PRKG1: variants seen among roughly 807,000 people sequenced by gnomAD.
PRKG1 encodes the protein cGMP-dependent protein kinase 1.
In PRKG1, 35 loss-of-function variants were observed where a neutral mutation model predicts 88.1. The observed-to-expected ratio is 0.40, with a 90% CI of 0.30 to 0.53. The LOEUF is 0.53. Ranked by LOEUF, PRKG1 falls within the 20% of genes least tolerant of loss-of-function variation. PRKG1 has a pLI of 0.59. For synonymous variants in PRKG1, 303 were observed against 292.5 expected (o/e 1.04, Z -0.37); for missense variants, 540 against 839.8 (o/e 0.64, Z 4.41).
intron 7 of PRKG1, among the ~76,000 whole-genome samples, chr10:52,106,402 T>C (rs994262654): frequency 1.3e-5 from 2 of 152,204 alleles, no homozygotes; most frequent in Admixed American, 6.5e-5. Context: ...TCTGTATTTT[T>C]ACGTACTACC....
At chr10:51,497,907 T>C (rs1282476368) in intron 3 of PRKG1, among the ~76,000 whole-genome samples, 1 of 152,112 alleles carries the variant, frequency 6.6e-6, no homozygotes, top group East Asian at 1.9e-4. Flanking sequence ...TCCATCTGGA[T>C]GTGTTTGTGT....
Position 51,431,941 on chromosome 10 carries a change from A to T in PRKG1, c.479-35782A>T, listed in dbSNP as rs998253602. Among the ~76,000 whole-genome samples, 4 of 152,162 alleles carry T rather than the reference A, an allele frequency of 2.6e-5. No individual in the cohort carries two copies. The East Asian group carries it at 7.7e-4, about 29-fold the overall frequency. ...CATATGGAAAAATATAGCCATTTTT[A>T]TATGTTCTTTTTCACATTTACAGCA... On this transcript the variant is annotated intron_variant, in intron 2 of 17. Transcript: ENST00000373980.
intron 4 of PRKG1, among the ~76,000 whole-genome samples, chr10:51,830,730 T>G (rs913238465): frequency 6.6e-6 from 1 of 151,740 alleles, no homozygotes; most frequent in African/African-American, 2.4e-5. Context: ...CCAGGCTAAT[T>G]TTTGTATTTT....
intron 4 of PRKG1, among the ~76,000 whole-genome samples, chr10:51,868,765 A>G (rs1841082711): frequency 1.3e-5 from 2 of 152,194 alleles, no homozygotes; most frequent in African/African-American, 4.8e-5. Flanking sequence ...ACTTCCTTGA[A>G]GATCCAGAAA....
intron 3 of PRKG1, among the ~76,000 whole-genome samples, chr10:51,679,667 A>C (rs1277710298): frequency 6.8e-6 from 1 of 147,562 alleles, no homozygotes; most frequent in African/African-American, 2.5e-5. Flanking sequence ...TAGTTCTGTG[A>C]TAGTGAGGCA....
At chr10:51,527,447 G>C (rs1464874596) in intron 3 of PRKG1, among the ~76,000 whole-genome samples, 1 of 152,036 alleles carries the variant, frequency 6.6e-6, no homozygotes, top group Non-Finnish European at 1.5e-5. Flanking sequence ...AAAAACAGTG[G>C]AAATGAGCTG....
At chr10:52,035,256 G>A (rs888399757) in intron 5 of PRKG1, among the ~76,000 whole-genome samples, 2 of 152,082 alleles carry the variant, frequency 1.3e-5, no homozygotes, top group Admixed American at 6.5e-5. Flanking sequence ...CTGACTCAGG[G>A]CATGTTGAGT....
intron 1 of PRKG1, among the ~76,000 whole-genome samples, chr10:51,125,914 T>C (rs1845386520): frequency 7.4e-6 from 1 of 134,278 alleles, no homozygotes; most frequent in Non-Finnish European, 1.5e-5. Context: ...GTGTGTAATT[T>C]ATAAATATAT....
intron 2 of PRKG1, among the ~76,000 whole-genome samples, chr10:51,291,091 C>T (rs140954538): frequency 6.6e-6 from 1 of 152,172 alleles, no homozygotes; most frequent in East Asian, 1.9e-4. Flanking sequence ...CTTCATAGAA[C>T]ACAGAAGACA....
At chr10:51,269,770 T>C (rs1461895291) in intron 2 of PRKG1, among the ~76,000 whole-genome samples, 1 of 152,140 alleles carries the variant, frequency 6.6e-6, no homozygotes, top group Non-Finnish European at 1.5e-5. Flanking sequence ...CAGTACACAC[T>C]GCTAGAGTGA....
chr10:52,128,643 T>G, intron 7 of PRKG1: 1 of 940,568 alleles, frequency 1.1e-6, no homozygotes. Flanking sequence ...ATGTTAGAAG[T>G]GGCTTAAAAA....
At chr10:51,809,351 C>T (rs1414080521) in intron 4 of PRKG1, among the ~76,000 whole-genome samples, 3 of 151,492 alleles carry the variant, frequency 2.0e-5, no homozygotes, top group Non-Finnish European at 2.9e-5. Context: ...ATAAGTCAAA[C>T]GATGATTTTG....
chr10:51,816,983 T>A (rs7913499), intron 4 of PRKG1, among the ~76,000 whole-genome samples: 33,057 of 151,932 alleles, frequency 0.22, 5,841 homozygotes, highest in African/African-American at 0.49. Context: ...TTAAATACAT[T>A]AGTAAATCTA....
rs564232840 is a variant in PRKG1, at chr10:51,029,233, C to T, written c.266+37589C>T. Among the ~76,000 whole-genome samples the T allele has an allele frequency of 8.5e-5, 13 of 152,258 alleles. No homozygotes were observed. In the South Asian group the frequency reaches 1.2e-3, roughly 15 times the overall value. Reference sequence around the variant, plus strand: ...ATAACAGAGAGGTGATCAGGTCACACGACTGCACCAACATTCATCACTCAG... The same window carrying T: ...ATAACAGAGAGGTGATCAGGTCACATGACTGCACCAACATTCATCACTCAG... On this transcript the variant is annotated intron_variant, in intron 1 of 17. Coordinates refer to the PRKG1 transcript ENST00000401604.
chr10:51,543,993 A>C (rs1161383542), intron 3 of PRKG1, among the ~76,000 whole-genome samples: 1 of 152,190 alleles, frequency 6.6e-6, no homozygotes, highest in Non-Finnish European at 1.5e-5. Context: ...CAATCTAGCC[A>C]CATGTTCTTC....
At chr10:52,192,797 C>T (rs1839399373) in intron 9 of PRKG1, among the ~76,000 whole-genome samples, 1 of 151,862 alleles carries the variant, frequency 6.6e-6, no homozygotes, top group South Asian at 2.1e-4. Context: ...ATTAGAAATT[C>T]CTTTCTTATA....
At chr10:51,022,183 GCAGTTCCTC>G (rs1843147330) in intron 1 of PRKG1, among the ~76,000 whole-genome samples, 1 of 152,264 alleles carries the variant, frequency 6.6e-6, no homozygotes, top group East Asian at 1.9e-4. Context: ...GAACATTGGA[GCAGTTCCTC>G]CAGTTGTCAG....
chr10:52,197,489 A>G (rs927754650), intron 9 of PRKG1, among the ~76,000 whole-genome samples: 1 of 152,224 alleles, frequency 6.6e-6, no homozygotes, highest in Non-Finnish European at 1.5e-5. Flanking sequence ...CATCTGGTAT[A>G]AGAAAAACTC....
chr10:51,645,480 C>A (rs1317081464), intron 3 of PRKG1, among the ~76,000 whole-genome samples: 1 of 152,088 alleles, frequency 6.6e-6, no homozygotes, highest in African/African-American at 2.4e-5. Context: ...CTGGGAAATA[C>A]ACAATAGCTT....
Sources: allele counts gnomAD v4.1 joint callset (sites outside exome capture counted in the v4.1 genomes callset), GRCh38; gene constraint gnomAD v4.1.1; transcripts MANE v1.5; gene names NCBI Gene and HGNC (gene_info 2026-07-23, HGNC 2026-07-21).